Variants in TSC22D1 observed in about 807,000 individuals in gnomAD.
TSC22D1 encodes TSC22 domain family member 1, also known as TSC22 domain family protein 1.
In TSC22D1, 9 loss-of-function variants were observed where a neutral mutation model predicts 74.2. The ratio of observed to expected loss-of-function variants is 0.12; its 90% CI spans 0.07 to 0.21. TSC22D1 has a LOEUF of 0.21. TSC22D1 is among the 10% of genes least tolerant of loss of function. The pLI is 1.00. For missense variants in TSC22D1, 1,427 were observed against 1,304.7 expected (o/e 1.09, Z -1.44); for synonymous variants, 586 against 492.5 (o/e 1.19, Z -2.51).
Position 44,434,758 on chromosome 13 carries a change from C to CA in TSC22D1, c.3089dup (p.Ala1031GlyfsTer4). 1 of 1,613,960 alleles carries CA rather than the reference C, an allele frequency of 6.2e-7. No homozygotes were observed. On this transcript the variant is annotated frameshift_variant, in exon 3 of 3. Transcript: ENST00000458659. LOFTEE classifies it high-confidence loss of function. ...ACTGGGCAAGCTGCTCAGGACTGGC[C>CA]AGTGTCTTCAGCAGATTGTTCTCCT...
At chr13:44,503,819 C>T (rs1879321091) in intron 1 of TSC22D1, among the ~76,000 whole-genome samples, 1 of 151,982 alleles carries the variant, frequency 6.6e-6, no homozygotes. Context: ...AATTACAAAA[C>T]CTAATTTTAT....
intron 1 of TSC22D1, chr13:44,538,070 A>G (rs1881255651): frequency 1.0e-6 from 1 of 985,328 alleles, no homozygotes; most frequent in Non-Finnish European, 1.2e-6. Flanking sequence ...TGGATAAATA[A>G]CTATTTTGCA....
chr13:44,538,095 A>T, intron 1 of TSC22D1: 2 of 985,292 alleles, frequency 2.0e-6, no homozygotes, highest in Non-Finnish European at 2.4e-6. Flanking sequence ...TTATTCCTTC[A>T]CACCTACAGG....
At chr13:44,519,307 TG>T (rs1434779676) in intron 1 of TSC22D1, among the ~76,000 whole-genome samples, 1 of 152,190 alleles carries the variant, frequency 6.6e-6, no homozygotes, top group African/African-American at 2.4e-5. Flanking sequence ...TAAAATTCAA[TG>T]TATGAAGGGT....
chr13:44,480,835 A>AT (rs957182442), intron 1 of TSC22D1, among the ~76,000 whole-genome samples: 1 of 152,170 alleles, frequency 6.6e-6, no homozygotes, highest in African/African-American at 2.4e-5. Context: ...TTTTACATAG[A>AT]TTGTATGCTT....
chr13:44,449,885 G>A (rs1037155880), intron 1 of TSC22D1, among the ~76,000 whole-genome samples: 6 of 151,996 alleles, frequency 3.9e-5, no homozygotes, highest in African/African-American at 9.7e-5. Context: ...TGATTTACTC[G>A]CATTTATTTA....
At chr13:44,483,224 T>G (rs1878265436) in intron 1 of TSC22D1, among the ~76,000 whole-genome samples, 1 of 152,232 alleles carries the variant, frequency 6.6e-6, no homozygotes, top group South Asian at 2.1e-4. Context: ...ATGTTCAATT[T>G]TAATATCCCA....
At chr13:44,529,608 G>A (rs1880724172) in intron 1 of TSC22D1, among the ~76,000 whole-genome samples, 1 of 152,034 alleles carries the variant, frequency 6.6e-6, no homozygotes, top group Admixed American at 6.5e-5. Flanking sequence ...TAAGCAAACA[G>A]AATGAAAGGT....
intron 1 of TSC22D1, among the ~76,000 whole-genome samples, chr13:44,560,238 T>G (rs1162936317): frequency 6.6e-6 from 1 of 152,068 alleles, no homozygotes; most frequent in Non-Finnish European, 1.5e-5. Flanking sequence ...GAGCCCACCC[T>G]GGGCAACATG....
chr13:44,485,729 AAAG>A (rs1174474853), intron 1 of TSC22D1, among the ~76,000 whole-genome samples: 5 of 152,280 alleles, frequency 3.3e-5, no homozygotes, highest in Admixed American at 6.5e-5. Flanking sequence ...GAGTTACAAG[AAAG>A]AACAGTAGGC....
chr13:44,473,153 T>C (rs981788033), intron 1 of TSC22D1, among the ~76,000 whole-genome samples: 1 of 152,176 alleles, frequency 6.6e-6, no homozygotes, highest in African/African-American at 2.4e-5. Flanking sequence ...ATTTATTAAA[T>C]AATATTAAAT....
At chr13:44,538,741 G>A in intron 1 of TSC22D1, 1 of 985,366 alleles carries the variant, frequency 1.0e-6, no homozygotes, top group Non-Finnish European at 1.2e-6. Context: ...GCTCATCCTT[G>A]TGTCTTCTAG....
intron 1 of TSC22D1, among the ~76,000 whole-genome samples, chr13:44,487,393 G>A (rs1878478787): frequency 6.6e-6 from 1 of 151,020 alleles, no homozygotes; most frequent in Non-Finnish European, 1.5e-5. Context: ...CAGCTACTGG[G>A]GAGGCTAAGG....
chr13:44,439,961 A>C (rs890458094), intron 1 of TSC22D1, among the ~76,000 whole-genome samples: 2 of 152,172 alleles, frequency 1.3e-5, no homozygotes, highest in Non-Finnish European at 2.9e-5. Flanking sequence ...TGCAAATCTA[A>C]AACAACTGCC....
intron 1 of TSC22D1, among the ~76,000 whole-genome samples, chr13:44,568,890 A>G (rs935934011): frequency 1.3e-5 from 2 of 152,200 alleles, no homozygotes; most frequent in African/African-American, 4.8e-5. Context: ...AAGCAGCCAC[A>G]AAACACTGTA....
In TSC22D1 at chr13:44,574,540, A is replaced by G. The variant is rs371351431; in HGVS notation, c.1535T>C (p.Leu512Pro). 2 of 1,613,920 alleles carry G rather than the reference A, an allele frequency of 1.2e-6. No homozygotes were observed. The highest frequency in any genetic ancestry group is 1.3e-5 in the African/African-American group (1 of 74,842). ...QQQQQQQQPA[L>P]QGVTLQQMDF... Reference sequence around the variant, plus strand: ...CATCTGTTGGAGGGTCACACCTTGGAGAGCTGGTTGTTGCTGTTGTTGTTG... The same window carrying G: ...CATCTGTTGGAGGGTCACACCTTGGGGAGCTGGTTGTTGCTGTTGTTGTTG... Residue 512 changes from leucine to proline, a missense_variant, in exon 1 of 3, where the codon CTC (leucine) becomes CCC (proline). Leu to Pro is a moderately conservative substitution (Grantham distance 98). Around this residue, in one of 3 missense-constraint regions of TSC22D1, gnomAD observed 1,343 missense variants for 1,191.5 expected, o/e 1.13. Coordinates refer to ENST00000458659, the MANE Select transcript of TSC22D1 (RefSeq NM_183422.4).
chr13:44,532,174 CTG>C (rs1455564558), intron 1 of TSC22D1, among the ~76,000 whole-genome samples: 1 of 152,168 alleles, frequency 6.6e-6, no homozygotes, highest in East Asian at 1.9e-4. Context: ...GGCTGTAACA[CTG>C]AGTCAATTTC....
Position 44,455,533 on chromosome 13 carries a change from TTTC to T in TSC22D1, c.2913-19441_2913-19439del, listed in dbSNP as rs1876514072. ...CATGCCACTTTATATTCTAAACTAGTTTCTTCAAGAATTATTTTGGGATGCTTT... is the reference window on the plus strand; with the variant it reads ...CATGCCACTTTATATTCTAAACTAGTTTCAAGAATTATTTTGGGATGCTTT... On this transcript the variant is annotated intron_variant, in intron 1 of 2. Transcript: ENST00000458659. 2.6e-5 allele frequency among the ~76,000 whole-genome samples: 4 copies of T among 152,322 alleles called. No homozygotes were observed. In the South Asian group the frequency reaches 8.3e-4, roughly 32 times the overall value.
intron 1 of TSC22D1, among the ~76,000 whole-genome samples, chr13:44,473,605 A>ATG (rs3046032): frequency 1.1e-4 from 17 of 151,326 alleles, no homozygotes; most frequent in East Asian, 1.9e-4. Context: ...AGCAGTATAT[A>ATG]TGTGTGTGTG....
Sources: gnomAD v4.1 joint callset for allele counts (sites outside exome capture counted in the v4.1 genomes callset) on GRCh38, gnomAD v4.1.1 for gene constraint, gnomAD v4.1.1 regional missense constraint, MANE v1.5 for transcripts, NCBI Gene and HGNC (gene_info 2026-07-23, HGNC 2026-07-21) for gene names.